The following CCDC178 variants were observed in gnomAD, a reference collection of about 807,000 sequenced individuals.
The protein encoded by CCDC178 is coiled-coil domain-containing protein 178.
A neutral mutation model predicts 117.4 loss-of-function variants in CCDC178; 126 were observed. The ratio of observed to expected loss-of-function variants is 1.07; its 90% CI spans 0.93 to 1.24. The LOEUF (loss-of-function observed/expected upper bound fraction) is 1.24. CCDC178 is among the 50% of genes most tolerant of loss of function. The pLI is 0.00. For missense variants in CCDC178, 1,030 were observed against 986.9 expected (o/e 1.04, Z -0.59); for synonymous variants, 283 against 313.4 (o/e 0.90, Z 1.02).
At chr18:33,318,055 A>G (rs1466206711) in intron 11 of CCDC178, among the ~76,000 whole-genome samples, 1 of 152,116 alleles carries the variant, frequency 6.6e-6, no homozygotes, top group African/African-American at 2.4e-5. Context: ...GAAGTTGACT[A>G]CCTATTTCCG....
At chr18:33,438,510 A>C (rs183185078) in intron 2 of CCDC178, among the ~76,000 whole-genome samples, 50 of 151,472 alleles carry the variant, frequency 3.3e-4, no homozygotes, top group African/African-American at 1.1e-3. Context: ...AAAATGCCAT[A>C]TACGGCATAC....
At chr18:33,405,019 T>C (rs1190865908) in intron 3 of CCDC178, among the ~76,000 whole-genome samples, 1 of 152,010 alleles carries the variant, frequency 6.6e-6, no homozygotes, top group Non-Finnish European at 1.5e-5. Flanking sequence ...ATGAAAGTGT[T>C]CTAGAAATAG....
At chr18:33,262,795 G>GTCCC (rs2059766945) in intron 14 of CCDC178, among the ~76,000 whole-genome samples, 1 of 152,092 alleles carries the variant, frequency 6.6e-6, no homozygotes, top group African/African-American at 2.4e-5. Context: ...TCTACTATTT[G>GTCCC]TAATTGTTAT....
chr18:33,256,630 C>G (rs2059683396), intron 14 of CCDC178, among the ~76,000 whole-genome samples: 1 of 152,024 alleles, frequency 6.6e-6, no homozygotes, highest in African/African-American at 2.4e-5. Flanking sequence ...AATTATAGAT[C>G]ATCTGCCATT....
chr18:33,367,644 C>CAGT, intron 6 of CCDC178, among the ~76,000 whole-genome samples: 1 of 151,816 alleles, frequency 6.6e-6, no homozygotes, highest in Non-Finnish European at 1.5e-5. Context: ...AGCTGACCAC[C>CAGT]AGTTCATTCT....
chr18:33,057,419 A>G (rs541352720), intron 21 of CCDC178, among the ~76,000 whole-genome samples: 1 of 152,362 alleles, frequency 6.6e-6, no homozygotes, highest in South Asian at 2.1e-4. Flanking sequence ...ATCCTTAAGA[A>G]TCATCCAGCC....
rs547646268 is a variant in CCDC178, at chr18:33,275,806, T to G, written c.1177-8509A>C. Among the ~76,000 whole-genome samples the G allele has an allele frequency of 3.1e-3, 474 of 151,830 alleles. 2 individuals are homozygous for G. Among genetic ancestry groups the G allele is most frequent in the African/African-American group, 0.011 (447 of 41,448 alleles). On this transcript the variant is annotated intron_variant, in intron 12 of 22. Coordinates refer to ENST00000383096, the MANE Select transcript of CCDC178 (RefSeq NM_001105528.4). ...TTGCAAATTCATTGGTTTCTAAATT[T>G]TTTTCTACCTAAAACAGAGGGATTT...
chr18:33,252,951 A>G (rs975562478), intron 14 of CCDC178, among the ~76,000 whole-genome samples: 4 of 151,806 alleles, frequency 2.6e-5, no homozygotes, highest in Admixed American at 6.6e-5. Context: ...TTTCAAGCAA[A>G]CTAAATCTAA....
intron 20 of CCDC178, among the ~76,000 whole-genome samples, chr18:33,191,007 A>G (rs1222557985): frequency 6.6e-6 from 1 of 152,150 alleles, no homozygotes; most frequent in Non-Finnish European, 1.5e-5. Context: ...ATGATATTCA[A>G]CTATGTCAGC....
intron 21 of CCDC178, among the ~76,000 whole-genome samples, chr18:33,070,404 A>C (rs957384266): frequency 1.3e-5 from 2 of 152,120 alleles, no homozygotes; most frequent in African/African-American, 4.8e-5. Context: ...TGTTAAATGA[A>C]ATAAGCCAGG....
intron 4 of CCDC178, among the ~76,000 whole-genome samples, chr18:33,393,856 A>G (rs143522717): frequency 2.4e-4 from 36 of 152,098 alleles, no homozygotes; most frequent in Non-Finnish European, 4.9e-4. Flanking sequence ...GAGTGTGTAT[A>G]TAAGTGTGTT....
intron 21 of CCDC178, among the ~76,000 whole-genome samples, chr18:33,009,536 T>C (rs2055819465): frequency 6.6e-6 from 1 of 152,164 alleles, no homozygotes; most frequent in African/African-American, 2.4e-5. Flanking sequence ...TGCTAGTTCC[T>C]CAATTCCTTC....
intron 15 of CCDC178, among the ~76,000 whole-genome samples, chr18:33,236,110 C>T (rs1294011193): frequency 6.6e-6 from 1 of 152,134 alleles, no homozygotes. Context: ...AATTCTACCT[C>T]TAGAGTTTCA....
intron 20 of CCDC178, among the ~76,000 whole-genome samples, chr18:33,167,503 C>T (rs1744931834): frequency 6.6e-6 from 1 of 152,134 alleles, no homozygotes; most frequent in African/African-American, 2.4e-5. Context: ...TTACATTTCT[C>T]TAATGACTAG....
At chr18:32,978,334 T>C (rs1357710254) in intron 21 of CCDC178, among the ~76,000 whole-genome samples, 2 of 142,324 alleles carry the variant, frequency 1.4e-5, no homozygotes, top group Non-Finnish European at 3.0e-5. Flanking sequence ...TAAAATAACA[T>C]ATGCACACAA....
At chr18:33,003,626 A>C (rs2055688306) in intron 21 of CCDC178, among the ~76,000 whole-genome samples, 1 of 152,188 alleles carries the variant, frequency 6.6e-6, no homozygotes, top group South Asian at 2.1e-4. Flanking sequence ...CTGGAACATG[A>C]CAAGGATGCC....
chr18:33,275,944 C>A (rs555439943), intron 12 of CCDC178, among the ~76,000 whole-genome samples: 1 of 151,290 alleles, frequency 6.6e-6, no homozygotes, highest in South Asian at 2.1e-4. Flanking sequence ...TGATATATAT[C>A]CACAATATAT....
chr18:33,223,570 T>C (rs1347603040), intron 17 of CCDC178, among the ~76,000 whole-genome samples: 1 of 152,156 alleles, frequency 6.6e-6, no homozygotes, highest in Non-Finnish European at 1.5e-5. Flanking sequence ...AAAAACTTAT[T>C]CTTCCTTACT....
intron 22 of CCDC178, among the ~76,000 whole-genome samples, chr18:32,947,350 A>G (rs963695808): frequency 3.3e-5 from 5 of 152,214 alleles, no homozygotes; most frequent in Admixed American, 2.6e-4. Context: ...GTTTCTTACC[A>G]TCCTAGCCAA....
Sources: gnomAD v4.1 joint callset for allele counts (sites outside exome capture counted in the v4.1 genomes callset) on GRCh38, gnomAD v4.1.1 for gene constraint, MANE v1.5 for transcripts, NCBI Gene and HGNC (gene_info 2026-07-23, HGNC 2026-07-21) for gene names.